Variants in CDYL2 observed in about 807,000 individuals in gnomAD.
The protein encoded by CDYL2 is chromodomain Y-like protein 2.
A neutral mutation model predicts 49.4 loss-of-function variants in CDYL2; 23 were observed. That is an observed-to-expected ratio of 0.47 (90% CI 0.34 to 0.66). CDYL2 has a LOEUF of 0.66. CDYL2 is among the 30% of genes least tolerant of loss of function. The pLI, the probability that CDYL2 is intolerant of heterozygous loss-of-function variation, is 0.01. For synonymous variants in CDYL2, 360 were observed against 268.8 expected, an observed-to-expected ratio of 1.34 and a Z score of -3.32; for missense variants, 678 against 656.4, an observed-to-expected ratio of 1.03 and a Z score of -0.36.
chr16:80,613,585 A>C (rs1190219623), intron 4 of CDYL2, among the ~76,000 whole-genome samples: 1 of 152,184 alleles, frequency 6.6e-6, no homozygotes, highest in Non-Finnish European at 1.5e-5. Context: ...TGGCTACAAG[A>C]CTGGGCAATA....
intron 2 of CDYL2, among the ~76,000 whole-genome samples, chr16:80,662,073 C>A (rs1909068124): frequency 6.6e-6 from 1 of 152,176 alleles, no homozygotes; most frequent in Non-Finnish European, 1.5e-5. Flanking sequence ...ATCATGAAGT[C>A]TCCATGTGTC....
chr16:80,637,844 C>T (rs936539427), intron 2 of CDYL2, among the ~76,000 whole-genome samples: 1 of 152,158 alleles, frequency 6.6e-6, no homozygotes, highest in Non-Finnish European at 1.5e-5. Context: ...ATTACACATC[C>T]TATGCGGGTA....
At chr16:80,667,488 A>G (rs1909315286) in intron 2 of CDYL2, among the ~76,000 whole-genome samples, 1 of 152,198 alleles carries the variant, frequency 6.6e-6, no homozygotes, top group Non-Finnish European at 1.5e-5. Context: ...AGAAGCCCTC[A>G]GTAATTCCTT....
At chr16:80,801,261 G>C (rs972237017) in intron 1 of CDYL2, among the ~76,000 whole-genome samples, 1 of 152,226 alleles carries the variant, frequency 6.6e-6, no homozygotes, top group African/African-American at 2.4e-5. Context: ...CACTACAGGA[G>C]AAACAAACCA....
Position 80,603,529 on chromosome 16 carries a change from C to T in CDYL2, c.*859G>A, listed in dbSNP as rs1906189935. ...TCCACAGAAATCCTTCTGTTTTCAT[C>T]TCTCTAAACTTTATTTCTACATGGT... On this transcript the variant is annotated 3_prime_UTR_variant, in exon 7 of 7. Transcript: ENST00000570137. 1 of 152,348 alleles carries T rather than the reference C, an allele frequency of 6.6e-6. No individual in the cohort carries two copies. The highest frequency in any genetic ancestry group is 2.4e-5 in the African/African-American group (1 of 41,448). 9.4% of individuals were successfully genotyped at this position (152,348 alleles called of 1,614,324 possible). A position where few individuals can be genotyped will look rare whatever the true frequency, so the allele number is the denominator to read the frequency against.
chr16:80,629,150 G>C (rs998960897), intron 3 of CDYL2, among the ~76,000 whole-genome samples: 1 of 152,160 alleles, frequency 6.6e-6, no homozygotes, highest in Non-Finnish European at 1.5e-5. Flanking sequence ...AGGAGCCATC[G>C]ACACATTTGG....
intron 2 of CDYL2, among the ~76,000 whole-genome samples, chr16:80,677,768 T>A (rs1056679084): frequency 5.3e-5 from 8 of 150,924 alleles, no homozygotes; most frequent in African/African-American, 1.5e-4. Context: ...TAAAAATAAA[T>A]AAATAAATAA....
At chr16:80,686,737 C>T (rs186567746) in intron 1 of CDYL2, among the ~76,000 whole-genome samples, 1 of 152,294 alleles carries the variant, frequency 6.6e-6, no homozygotes, top group Non-Finnish European at 1.5e-5. Flanking sequence ...AATAATTAAA[C>T]CACTTTCTTT....
intron 1 of CDYL2, among the ~76,000 whole-genome samples, chr16:80,696,359 T>C (rs1458711992): frequency 4.0e-5 from 6 of 150,862 alleles, no homozygotes. Flanking sequence ...AAAACCGAAC[T>C]CAATAGACAA....
At chr16:80,724,744 A>G (rs1010696264) in intron 1 of CDYL2, among the ~76,000 whole-genome samples, 1 of 152,206 alleles carries the variant, frequency 6.6e-6, no homozygotes, top group African/African-American at 2.4e-5. Flanking sequence ...CATGACACTA[A>G]CACTGTGAAT....
chr16:80,772,455 T>A (rs1253754124), intron 1 of CDYL2, among the ~76,000 whole-genome samples: 1 of 152,190 alleles, frequency 6.6e-6, no homozygotes, highest in Non-Finnish European at 1.5e-5. Context: ...CAAATTGCAA[T>A]TTTTTTATTT....
chr16:80,612,559 G>A lies in CDYL2; in HGVS notation c.1218+67C>T, dbSNP rs1906645298. On this transcript the variant is annotated intron_variant, in intron 5 of 6. Transcript: ENST00000570137. The surrounding 1 kb of genome is among the most constrained non-coding windows in gnomAD (Gnocchi z 5.0). ...CCTCAGGTTTCTAGCCCCATGAAGA[G>A]CCCCTAAACCCAAGGCAGAGGAAGG... The A allele has an allele frequency of 1.4e-6, 2 of 1,462,412 alleles. No homozygotes were observed. The highest frequency in any genetic ancestry group is 2.3e-5 in the East Asian group (1 of 43,656). 90.6% of individuals were successfully genotyped at this position (1,462,412 alleles called of 1,614,324 possible). A position where few individuals can be genotyped will look rare whatever the true frequency, so the allele number is the denominator to read the frequency against.
chr16:80,730,607 C>T (rs911113494), intron 1 of CDYL2, among the ~76,000 whole-genome samples: 1 of 152,004 alleles, frequency 6.6e-6, no homozygotes, highest in East Asian at 1.9e-4. Flanking sequence ...TTTTATGAGG[C>T]CAGCATCATC....
chr16:80,720,117 A>G (rs1471580963), intron 1 of CDYL2, among the ~76,000 whole-genome samples: 2 of 152,212 alleles, frequency 1.3e-5, no homozygotes, highest in Non-Finnish European at 2.9e-5. Flanking sequence ...AACTGGGAAC[A>G]TAAGAATTTG....
At chr16:80,736,098 C>T (rs1905515095) in intron 1 of CDYL2, among the ~76,000 whole-genome samples, 1 of 152,254 alleles carries the variant, frequency 6.6e-6, no homozygotes, top group Admixed American at 6.5e-5. Flanking sequence ...GAACTCCCAG[C>T]TGTCACAGCT....
chr16:80,717,289 C>G (rs763856889), intron 1 of CDYL2, among the ~76,000 whole-genome samples: 1 of 152,248 alleles, frequency 6.6e-6, no homozygotes, highest in African/African-American at 2.4e-5. Context: ...GAGTCCTAGA[C>G]TGCCTTGTAT....
At chr16:80,762,642 A>G (rs1220875282) in intron 1 of CDYL2, among the ~76,000 whole-genome samples, 1 of 152,182 alleles carries the variant, frequency 6.6e-6, no homozygotes, top group Non-Finnish European at 1.5e-5. Context: ...TACTGTCTAT[A>G]AAGTATTTGT....
intron 1 of CDYL2, among the ~76,000 whole-genome samples, chr16:80,729,817 A>G (rs1905270352): frequency 6.6e-6 from 1 of 152,210 alleles, no homozygotes; most frequent in Non-Finnish European, 1.5e-5. Flanking sequence ...CCACTCAACT[A>G]CATGGAAACT....
intron 1 of CDYL2, among the ~76,000 whole-genome samples, chr16:80,760,118 T>G (rs1906475459): frequency 6.6e-6 from 1 of 152,326 alleles, no homozygotes; most frequent in African/African-American, 2.4e-5. Flanking sequence ...AGGACTCCCT[T>G]AGACTAGCAG....
Sources: allele counts gnomAD v4.1 joint callset (sites outside exome capture counted in the v4.1 genomes callset), GRCh38; gene constraint gnomAD v4.1.1; non-coding constraint Gnocchi (gnomAD v3.1); transcripts MANE v1.5; gene names NCBI Gene and HGNC (gene_info 2026-07-23, HGNC 2026-07-21).